Variants in SLC24A3 observed in about 807,000 individuals in gnomAD.
SLC24A3 encodes the protein sodium/potassium/calcium exchanger 3.
SLC24A3 carries 28 observed loss-of-function variants against 75.8 expected under a neutral mutation model. The ratio of observed to expected loss-of-function variants is 0.37; its 90% CI spans 0.27 to 0.51. The LOEUF is 0.51. SLC24A3 is among the 20% of genes least tolerant of loss of function. The probability of loss-of-function intolerance (pLI) is 0.94; values close to 1 mark genes in which losing one functional copy is unlikely to be tolerated. For missense variants in SLC24A3, 663 were observed against 847.8 expected, an observed-to-expected ratio of 0.78 and a Z score of 2.71; for synonymous variants, 372 against 334.1, an observed-to-expected ratio of 1.11 and a Z score of -1.24.
chr20:19,393,612 CA>C (rs1986401625), intron 2 of SLC24A3, among the ~76,000 whole-genome samples: 1 of 151,826 alleles, frequency 6.6e-6, no homozygotes, highest in Non-Finnish European at 1.5e-5. Flanking sequence ...ATAACATTAT[CA>C]AAAAGAATAA....
intron 2 of SLC24A3, among the ~76,000 whole-genome samples, chr20:19,429,286 A>C (rs886210262): frequency 1.2e-4 from 19 of 152,222 alleles, no homozygotes; most frequent in African/African-American, 4.1e-4. Context: ...GAGGCTGCTG[A>C]TATTTGATCA....
chr20:19,409,686 A>G (rs1986710508), intron 2 of SLC24A3, among the ~76,000 whole-genome samples: 1 of 152,006 alleles, frequency 6.6e-6, no homozygotes, highest in African/African-American at 2.4e-5. Flanking sequence ...TTATGTGACT[A>G]TTTACAATCA....
intron 2 of SLC24A3, among the ~76,000 whole-genome samples, chr20:19,289,118 CCAT>C: frequency 6.6e-6 from 1 of 152,078 alleles, no homozygotes; most frequent in South Asian, 2.1e-4. Context: ...GGTGCCTGTG[CCAT>C]ATTGCATATT....
At chr20:19,408,438 G>A (rs939569160) in intron 2 of SLC24A3, among the ~76,000 whole-genome samples, 3 of 147,062 alleles carry the variant, frequency 2.0e-5, no homozygotes, top group Admixed American at 6.8e-5. Flanking sequence ...CACCCAGCCT[G>A]GAGTGCAGTG....
At chr20:19,324,980 T>C (rs1261131411) in intron 2 of SLC24A3, among the ~76,000 whole-genome samples, 1 of 151,676 alleles carries the variant, frequency 6.6e-6, no homozygotes. Flanking sequence ...TCTGCTGTTA[T>C]GACAGCTTGG....
intron 6 of SLC24A3, among the ~76,000 whole-genome samples, chr20:19,644,611 C>T (rs970557854): frequency 1.3e-5 from 2 of 152,194 alleles, no homozygotes; most frequent in Non-Finnish European, 2.9e-5. Context: ...TCCTGCAAAA[C>T]TGTAAATATA....
At chr20:19,299,210 G>GTGTGTT (rs1296245664) in intron 2 of SLC24A3, among the ~76,000 whole-genome samples, 1 of 151,738 alleles carries the variant, frequency 6.6e-6, no homozygotes, top group Admixed American at 6.6e-5. Flanking sequence ...GTGTGTGTGT[G>GTGTGTT]TGTGTGTGTG....
At chr20:19,536,286 A>AT (rs780922191) in intron 3 of SLC24A3, among the ~76,000 whole-genome samples, 11 of 152,144 alleles carry the variant, frequency 7.2e-5, no homozygotes, top group Non-Finnish European at 1.3e-4. Context: ...ACAATGTTTG[A>AT]TTTTTTTAGC....
intron 2 of SLC24A3, among the ~76,000 whole-genome samples, chr20:19,484,474 C>T (rs1186889797): frequency 6.6e-6 from 1 of 152,156 alleles, no homozygotes; most frequent in East Asian, 1.9e-4. Flanking sequence ...GGATGCTCAA[C>T]TTGTATATCT....
intron 1 of SLC24A3, among the ~76,000 whole-genome samples, chr20:19,251,132 C>T (rs530228504): frequency 1.1e-4 from 17 of 152,268 alleles, no homozygotes; most frequent in East Asian, 1.9e-4. Flanking sequence ...TGCCCATGAA[C>T]GCTGCTCAGA....
intron 1 of SLC24A3, among the ~76,000 whole-genome samples, chr20:19,278,190 A>G (rs1479829611): frequency 1.3e-5 from 2 of 152,140 alleles, no homozygotes; most frequent in Non-Finnish European, 2.9e-5. Flanking sequence ...AGCTTCAACC[A>G]ATGTTAGACT....
chr20:19,652,760 A>G (rs1287369388), intron 6 of SLC24A3, among the ~76,000 whole-genome samples: 1 of 152,136 alleles, frequency 6.6e-6, no homozygotes, highest in Non-Finnish European at 1.5e-5. Flanking sequence ...ACTTGGTCTG[A>G]TCTTTATAGA....
intron 3 of SLC24A3, among the ~76,000 whole-genome samples, chr20:19,566,983 G>A (rs1476354541): frequency 6.6e-6 from 1 of 152,176 alleles, no homozygotes; most frequent in East Asian, 1.9e-4. Flanking sequence ...AGATAGAATG[G>A]CTATTATTAA....
At chr20:19,307,193 C>T (rs572604789) in intron 2 of SLC24A3, among the ~76,000 whole-genome samples, 1 of 152,308 alleles carries the variant, frequency 6.6e-6, no homozygotes, top group South Asian at 2.1e-4. Flanking sequence ...ATATGAACTA[C>T]ATTACTGTGT....
chr20:19,639,917 G>T (rs553241372), intron 6 of SLC24A3, among the ~76,000 whole-genome samples: 1 of 152,248 alleles, frequency 6.6e-6, no homozygotes, highest in Non-Finnish European at 1.5e-5. Context: ...CCGGCTGGCC[G>T]GCTGCTCCGA....
rs146602487 is a variant in SLC24A3, at chr20:19,457,581, A to T, written c.272-57907A>T. Among the ~76,000 whole-genome samples the T allele has an allele frequency of 6.0e-4, 92 of 152,356 alleles. 3 individuals carry two copies. The East Asian group carries it at 0.018, about 29-fold the overall frequency. ...AGCATTCACTAGCTGGGAATATTTG[A>T]GAAGTGGTACAGTAGTGGAAGCTTT... On this transcript the variant is annotated intron_variant, in intron 2 of 16. Transcript: ENST00000328041.
chr20:19,639,611 T>C (rs2032047214), intron 6 of SLC24A3, among the ~76,000 whole-genome samples: 1 of 152,208 alleles, frequency 6.6e-6, no homozygotes, highest in Admixed American at 6.5e-5. Flanking sequence ...TGCCTGCCAG[T>C]CCGGCGCGCT....
chr20:19,416,174 C>T (rs1231699481), intron 2 of SLC24A3, among the ~76,000 whole-genome samples: 2 of 152,194 alleles, frequency 1.3e-5, no homozygotes, highest in African/African-American at 4.8e-5. Context: ...ACCACCTCAC[C>T]AAGGTGGGTG....
intron 2 of SLC24A3, among the ~76,000 whole-genome samples, chr20:19,333,660 AGTGTGTGT>A (rs11471788): frequency 6.8e-6 from 1 of 147,842 alleles, no homozygotes; most frequent in African/African-American, 2.5e-5. Context: ...TGTGTGTGAG[AGTGTGTGT>A]GTGTGTGTGC....
Sources: gnomAD v4.1 joint callset for allele counts (sites outside exome capture counted in the v4.1 genomes callset) on GRCh38, gnomAD v4.1.1 for gene constraint, MANE v1.5 for transcripts, NCBI Gene and HGNC (gene_info 2026-07-23, HGNC 2026-07-21) for gene names.